CWH43: variants seen among roughly 807,000 people sequenced by gnomAD.
The protein encoded by CWH43 is cell wall biogenesis 43 C-terminal homolog.
Under a neutral mutation model 85.7 loss-of-function variants are expected in CWH43, and 91 were observed. The observed-to-expected ratio is 1.06, with a 90% confidence interval of 0.90 to 1.26. The LOEUF is 1.26. Among genes scored for constraint, CWH43 ranks in the 50% most tolerant of loss-of-function variants. The pLI, the probability that CWH43 is intolerant of heterozygous loss-of-function variation, is 0.00. For missense variants in CWH43, 869 were observed against 839.2 expected (o/e 1.04, Z -0.44); for synonymous variants, 323 against 293.6 (o/e 1.10, Z -1.02).
intron 12 of CWH43, among the ~76,000 whole-genome samples, chr4:49,034,295 T>A (rs1784195219): frequency 2.0e-5 from 3 of 152,304 alleles, no homozygotes; most frequent in Middle Eastern, 3.4e-3. Flanking sequence ...TTAAAAAAAA[T>A]AATACTTTCA....
Position 48,994,649 on chromosome 4 carries a change from A to G in CWH43, c.542A>G (p.Lys181Arg). Reference sequence around the variant, plus strand: ...GACTGCAGTAAACCTGAAGAAAAGAAGACTGGTGAGGTAGCCACGGGGATG... The same window carrying G: ...GACTGCAGTAAACCTGAAGAAAAGAGGACTGGTGAGGTAGCCACGGGGATG... Reference protein sequence around the residue: ...DGDCSKPEEKKTGEVATGMAS... With the variant: ...DGDCSKPEEKRTGEVATGMAS... The change falls in exon 5 of 16, where the codon AAG (lysine) becomes AGG (arginine). Residue 181 changes from lysine (K) to arginine (R), a missense_variant. Physicochemically the swap from Lys to Arg is conservative, Grantham distance 26. Around this residue, in one of 3 missense-constraint regions of CWH43, gnomAD observed 152 missense variants for 203.6 expected, o/e 0.75. Transcript: ENST00000226432. 1.9e-6 allele frequency: 3 copies of G among 1,613,650 alleles called. No individual in the cohort carries two copies. Among genetic ancestry groups the G allele is most frequent in the Non-Finnish European group, 2.5e-6 (3 of 1,179,914 alleles).
At chr4:48,993,490 C>T (rs924608779) in intron 4 of CWH43, among the ~76,000 whole-genome samples, 1 of 152,118 alleles carries the variant, frequency 6.6e-6, no homozygotes, top group African/African-American at 2.4e-5. Context: ...ACTGTCAGAC[C>T]CTAAGACCTT....
At chr4:48,986,924 C>CCA in intron 1 of CWH43, 1 of 560,436 alleles carries the variant, frequency 1.8e-6, no homozygotes, top group Non-Finnish European at 2.3e-6. Flanking sequence ...CAGCTGCTGC[C>CCA]GTGGGCTGGG....
intron 2 of CWH43, among the ~76,000 whole-genome samples, chr4:48,990,159 T>G (rs1247486419): frequency 2.0e-5 from 3 of 152,228 alleles, no homozygotes; most frequent in Non-Finnish European, 4.4e-5. Context: ...AGGGATGTGA[T>G]ATAAAATAAG....
At chr4:49,047,020 C>T (rs985435925) in intron 14 of CWH43, among the ~76,000 whole-genome samples, 2 of 152,160 alleles carry the variant, frequency 1.3e-5, no homozygotes, top group Non-Finnish European at 2.9e-5. Context: ...AGTCTTTTCT[C>T]CATATAGAGC....
At chr4:49,018,269 C>G (rs1783624519) in intron 9 of CWH43, among the ~76,000 whole-genome samples, 1 of 152,028 alleles carries the variant, frequency 6.6e-6, no homozygotes, top group African/African-American at 2.4e-5. Flanking sequence ...GGTGCTAAAC[C>G]ATTCATGAGA....
rs1784133044 is a variant in CWH43 at position 49,032,635 on chromosome 4, G to T, written c.1578G>T (p.Glu526Asp). ...EHHLLPSPEG[E>D]IAPAITLTVN... ...ACCTTCTTCCGTCACCAGAGGGCGAGATCGCACCAGCCATCACATTGACCG... is the reference window on the plus strand; with the variant it reads ...ACCTTCTTCCGTCACCAGAGGGCGATATCGCACCAGCCATCACATTGACCG... The change falls in exon 12 of 16, where the codon GAG (glutamate) becomes GAT (aspartate). Residue 526 changes from glutamate to aspartate, a missense_variant. This residue lies in a region of CWH43 where 577 missense variants were observed against 513.1 expected (regional missense o/e 1.12). Coordinates refer to ENST00000226432, the MANE Select transcript of CWH43 (RefSeq NM_025087.3). 1.9e-6 allele frequency: 3 copies of T among 1,613,958 alleles called. No individual in the cohort carries two copies. The highest frequency in any genetic ancestry group is 2.5e-6 in the Non-Finnish European group (3 of 1,179,972).
intron 13 of CWH43, 77 bp downstream of exon 13, chr4:49,038,257 C>A: frequency 1.5e-6 from 2 of 1,321,582 alleles, no homozygotes; most frequent in African/African-American, 1.5e-5. Context: ...AAAAAACCAA[C>A]CTCACCTAAA....
At chr4:49,031,199 G>A in intron 11 of CWH43, 1 of 394,964 alleles carries the variant, frequency 2.5e-6, no homozygotes, top group Non-Finnish European at 4.5e-6. Context: ...TGAGGTTGCA[G>A]CACCAAGCAT....
rs1782687859 is a variant in CWH43 at position 48,992,463 on chromosome 4, A to G, written c.511+373A>G. Among the ~76,000 whole-genome samples, 1 of 152,058 alleles carries G rather than the reference A, an allele frequency of 6.6e-6. No homozygotes were observed. Among genetic ancestry groups the G allele is most frequent in the Non-Finnish European group, 1.5e-5 (1 of 68,046 alleles). ...CCTCCACCTCCACACTGACCTCAGT[A>G]CATCTGTAACACTAAGGAAAGTTTC... is the stretch of plus-strand genomic sequence containing the variant. On this transcript the variant is annotated intron_variant, in intron 4 of 15. Coordinates refer to ENST00000226432, the MANE Select transcript of CWH43 (RefSeq NM_025087.3). This position sits in a 1 kb window ranked among gnomAD's most constrained non-coding sequence, Gnocchi z 4.3.
intron 6 of CWH43, among the ~76,000 whole-genome samples, chr4:49,001,365 T>C (rs73150298): frequency 0.013 from 1,925 of 152,168 alleles, 45 homozygotes; most frequent in African/African-American, 0.045. Flanking sequence ...TTGATGTCTT[T>C]GATGTTGTAC....
chr4:49,038,285 A>G (rs1784323636), intron 13 of CWH43, 105 bp downstream of exon 13: 3 of 886,526 alleles, frequency 3.4e-6, no homozygotes, highest in Non-Finnish European at 5.1e-6. Context: ...TGTGCAGTCT[A>G]TCTACTGCTG....
intron 15 of CWH43, among the ~76,000 whole-genome samples, chr4:49,054,517 AG>A (rs1313412617): frequency 6.6e-6 from 1 of 152,044 alleles, no homozygotes; most frequent in Non-Finnish European, 1.5e-5. Context: ...TACAAATTTT[AG>A]GGTTGATTTT....
At chr4:48,988,862 G>T (rs1560482731) in intron 2 of CWH43, among the ~76,000 whole-genome samples, 194 bp downstream of exon 2, 1 of 152,142 alleles carries the variant, frequency 6.6e-6, no homozygotes, top group East Asian at 1.9e-4. Context: ...CATTTCCATT[G>T]TTTTTTCCAG....
chr4:49,052,079 A>G (rs1184105319), intron 15 of CWH43, among the ~76,000 whole-genome samples: 2 of 152,180 alleles, frequency 1.3e-5, no homozygotes, highest in Non-Finnish European at 2.9e-5. Context: ...GGGGGAAAAA[A>G]GAAATTTCTC....
chr4:49,000,969 A>C (rs1212584836), intron 6 of CWH43, among the ~76,000 whole-genome samples: 2 of 152,164 alleles, frequency 1.3e-5, no homozygotes, highest in East Asian at 3.8e-4. Context: ...CTCAAGCTTA[A>C]TTATCTGGAG....
At chr4:49,060,417 G>A (rs137940358) in intron 15 of CWH43, among the ~76,000 whole-genome samples, 8 of 152,218 alleles carry the variant, frequency 5.3e-5, no homozygotes, top group African/African-American at 1.2e-4. Flanking sequence ...TGCTAGGGCC[G>A]GCTTAGGGAC....
chr4:48,996,808 T>C (rs1043885027), intron 5 of CWH43, among the ~76,000 whole-genome samples: 2 of 152,196 alleles, frequency 1.3e-5, no homozygotes, highest in Non-Finnish European at 2.9e-5. Flanking sequence ...CTCACATATA[T>C]AAAATCAGCA....
intron 14 of CWH43, among the ~76,000 whole-genome samples, chr4:49,046,500 G>C (rs1479828161): frequency 6.6e-6 from 1 of 152,120 alleles, no homozygotes; most frequent in African/African-American, 2.4e-5. Flanking sequence ...AGCTATGACA[G>C]GTGGAGATAT....
Sources: gnomAD v4.1 joint callset for allele counts (sites outside exome capture counted in the v4.1 genomes callset) on GRCh38, gnomAD v4.1.1 for gene constraint, gnomAD v4.1.1 regional missense constraint, Gnocchi (gnomAD v3.1) non-coding constraint, MANE v1.5 for transcripts, NCBI Gene and HGNC (gene_info 2026-07-23, HGNC 2026-07-21) for gene names.